The following CUX1 variants were observed in gnomAD, a reference collection of about 807,000 sequenced individuals.
The protein encoded by CUX1 is protein CASP.
CUX1 carries 31 observed loss-of-function variants against 158.8 expected under a neutral mutation model. The observed-to-expected ratio is 0.20, with a 90% CI of 0.15 to 0.26. The LOEUF is 0.26. Among genes scored for constraint, CUX1 ranks in the 10% least tolerant of loss-of-function variants. The probability of loss-of-function intolerance (pLI) is 1.00; values close to 1 mark genes in which losing one functional copy is unlikely to be tolerated. For missense variants in CUX1, 1,589 were observed against 2,014.6 expected, an observed-to-expected ratio of 0.79 and a Z score of 4.04; for synonymous variants, 879 against 862.1, an observed-to-expected ratio of 1.02 and a Z score of -0.34.
intron 20 of CUX1, among the ~76,000 whole-genome samples, chr7:102,206,662 C>T (rs1205390919): frequency 6.6e-6 from 1 of 152,020 alleles, no homozygotes; most frequent in Admixed American, 6.6e-5. Flanking sequence ...TTTGGGAGGC[C>T]GAGGTGGGTG....
chr7:102,111,823 G>C (rs1554490220), intron 7 of CUX1, 49 bp downstream of exon 7: 2 of 1,558,334 alleles, frequency 1.3e-6, no homozygotes, highest in East Asian at 4.5e-5. Context: ...GGACCCAGGG[G>C]GAGAGTTGGG....
chr7:101,833,266 T>G (rs1032453467), intron 1 of CUX1, among the ~76,000 whole-genome samples: 3 of 149,318 alleles, frequency 2.0e-5, no homozygotes, highest in African/African-American at 7.4e-5. Context: ...GAAAAGAAAT[T>G]AGCCCAGCAT....
intron 1 of CUX1, among the ~76,000 whole-genome samples, chr7:101,853,587 GTGTGTGTGTGT>G (rs1796500516): frequency 4.3e-5 from 3 of 69,772 alleles, no homozygotes; most frequent in African/African-American, 8.2e-5. Context: ...TAGAAAGGGT[GTGTGTGTGTGT>G]GTGTGTGTGT....
intron 2 of CUX1, among the ~76,000 whole-genome samples, chr7:101,991,241 G>T (rs1465592472): frequency 6.6e-6 from 1 of 152,214 alleles, no homozygotes; most frequent in Non-Finnish European, 1.5e-5. Context: ...ACGAAGCTTT[G>T]TAGGTCCCCC....
chr7:101,902,827 G>A (rs982992786), intron 1 of CUX1, among the ~76,000 whole-genome samples: 2 of 152,192 alleles, frequency 1.3e-5, no homozygotes, highest in Non-Finnish European at 2.9e-5. Context: ...GGGTCTTGCT[G>A]TGTTGTCCAG....
At chr7:101,970,621 T>C (rs1341236325) in intron 2 of CUX1, among the ~76,000 whole-genome samples, 1 of 152,134 alleles carries the variant, frequency 6.6e-6, no homozygotes, top group Non-Finnish European at 1.5e-5. Context: ...AGTGGTACGA[T>C]CTTGGCTCAC....
chr7:102,195,716 G>A (rs1794734932), intron 14 of CUX1, 113 bp downstream of exon 14: 4 of 951,462 alleles, frequency 4.2e-6, no homozygotes, highest in South Asian at 1.7e-5. Context: ...GAGAAGCGCC[G>A]GTTGACGAGA....
intron 8 of CUX1, among the ~76,000 whole-genome samples, chr7:102,132,546 T>G (rs1833417141): frequency 6.6e-6 from 1 of 151,968 alleles, no homozygotes; most frequent in African/African-American, 2.4e-5. Context: ...TTCCAGAAAC[T>G]GAGGGTATTT....
chr7:102,030,471 A>C (rs1820612982), intron 3 of CUX1, among the ~76,000 whole-genome samples: 1 of 152,110 alleles, frequency 6.6e-6, no homozygotes, highest in Non-Finnish European at 1.5e-5. Flanking sequence ...CCCGAAGTTA[A>C]GGAATTATTA....
chr7:102,197,438 T>G, intron 15 of CUX1, 133 bp downstream of exon 15: 1 of 1,076,652 alleles, frequency 9.3e-7, no homozygotes. Context: ...TTCTCTTTGC[T>G]TCTGCCACGT....
intron 1 of CUX1, among the ~76,000 whole-genome samples, chr7:101,910,560 A>C (rs1221904082): frequency 1.3e-5 from 2 of 152,128 alleles, no homozygotes; most frequent in Non-Finnish European, 2.9e-5. Context: ...GTTCAAGACT[A>C]GTCTGGCCAA....
chr7:102,036,761 C>CAAAA (rs35844490), intron 3 of CUX1, among the ~76,000 whole-genome samples: 1 of 115,914 alleles, frequency 8.6e-6, no homozygotes, highest in Non-Finnish European at 1.8e-5. Flanking sequence ...AGCAAACAAA[C>CAAAA]AAAAAAAAAA....
chr7:101,836,779 C>T (rs1794684759), intron 1 of CUX1, among the ~76,000 whole-genome samples: 2 of 152,044 alleles, frequency 1.3e-5, no homozygotes, highest in Non-Finnish European at 2.9e-5. Context: ...CGGGAGTGCC[C>T]GTTGTCTGCC....
chr7:102,147,002 C>T (rs1446390139), intron 8 of CUX1, among the ~76,000 whole-genome samples: 3 of 152,168 alleles, frequency 2.0e-5, no homozygotes, highest in Non-Finnish European at 4.4e-5. Flanking sequence ...AGGTGACATC[C>T]TGGCCGTTTA....
chr7:101,946,191 G>A (rs889151230), intron 2 of CUX1, among the ~76,000 whole-genome samples: 1 of 152,116 alleles, frequency 6.6e-6, no homozygotes, highest in African/African-American at 2.4e-5. Context: ...AGCTTTCTCT[G>A]GACCCGGGTC....
chr7:102,216,818 TCTCCCAC>T (rs1797262868), intron 20 of CUX1, among the ~76,000 whole-genome samples: 1 of 88,164 alleles, frequency 1.1e-5, no homozygotes, highest in Non-Finnish European at 2.4e-5. Context: ...CCACACACAC[TCTCCCAC>T]CACACACACA....
intron 13 of CUX1, 102 bp downstream of exon 13, chr7:102,193,992 C>T: frequency 8.8e-7 from 1 of 1,141,160 alleles, no homozygotes; most frequent in South Asian, 1.3e-5. Flanking sequence ...TACGAGACCT[C>T]TCACTTACAG....
chr7:101,899,439 C>G (rs1036349084), intron 1 of CUX1, among the ~76,000 whole-genome samples: 7 of 152,144 alleles, frequency 4.6e-5, no homozygotes, highest in Non-Finnish European at 2.9e-5. Context: ...GTGATCCCAG[C>G]TACTCGGGAG....
chr7:101,888,944 T>C (rs1800550656), intron 1 of CUX1, among the ~76,000 whole-genome samples: 1 of 151,958 alleles, frequency 6.6e-6, no homozygotes, highest in Non-Finnish European at 1.5e-5. Context: ...CCCTACAAAG[T>C]TGGTATCACC....
Sources: allele counts gnomAD v4.1 joint callset (sites outside exome capture counted in the v4.1 genomes callset), GRCh38; gene constraint gnomAD v4.1.1; transcripts MANE v1.5; gene names NCBI Gene and HGNC (gene_info 2026-07-23, HGNC 2026-07-21).